GABRG3: variants seen among roughly 807,000 people sequenced by gnomAD.
GABRG3 encodes gamma-aminobutyric acid receptor subunit gamma-3.
In GABRG3, 25 loss-of-function variants were observed where a neutral mutation model predicts 48.8. The observed-to-expected ratio is 0.51, with a 90% CI of 0.37 to 0.72. The LOEUF is 0.72. Among genes scored for constraint, GABRG3 ranks in the 30% least tolerant of loss-of-function variants. GABRG3 has a pLI of 0.00. For synonymous variants in GABRG3, 227 were observed against 217.6 expected (o/e 1.04, Z -0.38); for missense variants, 394 against 577.9 (o/e 0.68, Z 3.26).
intron 3 of GABRG3, among the ~76,000 whole-genome samples, chr15:27,210,363 G>A (rs1721674794): frequency 2.0e-5 from 3 of 152,204 alleles, no homozygotes; most frequent in Non-Finnish European, 4.4e-5. Flanking sequence ...TCCTGCATGT[G>A]GGAGATTTTC....
intron 5 of GABRG3, among the ~76,000 whole-genome samples, chr15:27,330,722 G>A (rs1398553128): frequency 1.3e-5 from 2 of 152,142 alleles, no homozygotes; most frequent in Admixed American, 6.5e-5. Context: ...AGTACTCAGG[G>A]AAATACATGA....
chr15:27,495,290 T>A (rs1890458258), intron 6 of GABRG3, among the ~76,000 whole-genome samples: 1 of 152,214 alleles, frequency 6.6e-6, no homozygotes, highest in African/African-American at 2.4e-5. Context: ...TGTAGCCATG[T>A]GACAGGATTT....
At chr15:27,412,219 C>G (rs1457229843) in intron 5 of GABRG3, among the ~76,000 whole-genome samples, 1 of 152,078 alleles carries the variant, frequency 6.6e-6, no homozygotes, top group East Asian at 1.9e-4. Flanking sequence ...CCTCATTTCC[C>G]CAATGGTGAC....
At chr15:27,157,540 A>T (rs1268452927) in intron 3 of GABRG3, 5 of 152,162 alleles carry the variant, frequency 3.3e-5, no homozygotes, top group African/African-American at 1.2e-4. Context: ...AAAGCATGTG[A>T]GATACTTACC....
chr15:27,529,343 G>A (rs1891359049), intron 9 of GABRG3, among the ~76,000 whole-genome samples: 1 of 152,194 alleles, frequency 6.6e-6, no homozygotes, highest in South Asian at 2.1e-4. Context: ...AATTAATGAT[G>A]TGAACAACTT....
intron 3 of GABRG3, among the ~76,000 whole-genome samples, chr15:27,301,286 T>C (rs534502469): frequency 6.6e-6 from 1 of 152,312 alleles, no homozygotes; most frequent in South Asian, 2.1e-4. Context: ...TGTTGTTTTC[T>C]TGGGACTTGC....
At chr15:27,389,603 A>G (rs1896159941) in intron 5 of GABRG3, among the ~76,000 whole-genome samples, 1 of 152,206 alleles carries the variant, frequency 6.6e-6, no homozygotes, top group Admixed American at 6.5e-5. Context: ...TTCAGGTAAC[A>G]TCTTGCTTCT....
chr15:27,244,512 C>T (rs1013749617), intron 3 of GABRG3, among the ~76,000 whole-genome samples: 3 of 152,214 alleles, frequency 2.0e-5, no homozygotes, highest in East Asian at 1.9e-4. Flanking sequence ...AGGTCTGTTG[C>T]GTTTACTGCA....
chr15:27,306,995 T>TACATAAACATATATA lies in GABRG3; in HGVS notation c.271-19813_271-19812insCATAAACATATATAA. 1.8e-5 allele frequency among the ~76,000 whole-genome samples: 2 copies of TACATAAACATATATA among 111,048 alleles called. 1 individual carries two copies. Among genetic ancestry groups the TACATAAACATATATA allele is most frequent in the Admixed American group, 1.9e-4 (2 of 10,800 alleles). The allele number at this position is 111,048 out of a possible 152,430, so 72.9% of individuals were successfully genotyped here. ...AACATATATAATATAAACATGTTTA[T>TACATAAACATATATA]ATATAAACATGTATAAACATGTTTA... On this transcript the variant is annotated intron_variant, in intron 3 of 9. Coordinates refer to ENST00000615808, the MANE Select transcript of GABRG3 (RefSeq NM_033223.5).
At chr15:27,525,249 A>G (rs1201822223) in intron 7 of GABRG3, among the ~76,000 whole-genome samples, 1 of 152,140 alleles carries the variant, frequency 6.6e-6, no homozygotes, top group Non-Finnish European at 1.5e-5. Context: ...TTTACTTCTG[A>G]CTGCAGTAAG....
At chr15:27,115,843 G>T (rs905760066) in intron 3 of GABRG3, among the ~76,000 whole-genome samples, 6 of 152,126 alleles carry the variant, frequency 3.9e-5, no homozygotes, top group African/African-American at 1.4e-4. Flanking sequence ...TTGTAAACAG[G>T]ATTTAATGGT....
At chr15:26,980,103 G>T (rs1813292426) in intron 2 of GABRG3, among the ~76,000 whole-genome samples, 1 of 151,938 alleles carries the variant, frequency 6.6e-6, no homozygotes, top group African/African-American at 2.4e-5. Context: ...TATATGTTTA[G>T]CATTGTTCAT....
At chr15:27,342,536 C>T (rs1034360613) in intron 5 of GABRG3, among the ~76,000 whole-genome samples, 2 of 152,206 alleles carry the variant, frequency 1.3e-5, no homozygotes, top group Non-Finnish European at 2.9e-5. Context: ...CTGCTGCTTC[C>T]ATTCCCACAG....
intron 5 of GABRG3, among the ~76,000 whole-genome samples, chr15:27,426,689 G>T (rs935255194): frequency 1.3e-5 from 2 of 152,032 alleles, no homozygotes; most frequent in African/African-American, 4.8e-5. Flanking sequence ...AAATTTAGTT[G>T]GGCATAGTGG....
chr15:26,976,908 T>C lies in GABRG3; in HGVS notation c.54-94T>C. On this transcript the variant is annotated intron_variant, in intron 1 of 9. Coordinates refer to ENST00000615808, the MANE Select transcript of GABRG3 (RefSeq NM_033223.5). This position sits in a 1 kb window ranked among gnomAD's most constrained non-coding sequence, Gnocchi z 7.8. ...TGGGCTGTGGGTACTGGGGACTTTC[T>C]ACCCATTTCATGGTACTTGGATAGG... 2 of 1,304,104 alleles carry C rather than the reference T, an allele frequency of 1.5e-6. No individual in the cohort carries two copies. The highest frequency in any genetic ancestry group is 2.2e-6 in the Non-Finnish European group (2 of 923,254). The allele number at this position is 1,304,104 out of a possible 1,614,324, so 80.8% of individuals were successfully genotyped here.
At chr15:27,430,989 CAATAAATAAATAAATAAATAAATA>C (rs61461156) in intron 5 of GABRG3, among the ~76,000 whole-genome samples, 16 of 141,216 alleles carry the variant, frequency 1.1e-4, no homozygotes, top group Admixed American at 9.4e-4. Context: ...GTCCCTGTCT[CAATAAATAAATAAATAAATAAATA>C]AATAAATAAA....
intron 5 of GABRG3, among the ~76,000 whole-genome samples, chr15:27,349,618 C>T (rs1417648225): frequency 6.6e-6 from 1 of 152,170 alleles, no homozygotes; most frequent in Admixed American, 6.6e-5. Context: ...AGAACATGCT[C>T]GCCAAGCATC....
chr15:27,098,767 A>T (rs575652217), intron 3 of GABRG3, among the ~76,000 whole-genome samples: 1 of 152,146 alleles, frequency 6.6e-6, no homozygotes, highest in African/African-American at 2.4e-5. Flanking sequence ...AAAATAAATG[A>T]TTCCAGAAAC....
intron 5 of GABRG3, among the ~76,000 whole-genome samples, chr15:27,375,819 T>C (rs1012805979): frequency 1.8e-4 from 28 of 152,032 alleles, no homozygotes; most frequent in Admixed American, 1.8e-3. Context: ...AGCCAAACCA[T>C]ATCATTCCAC....
Sources: gnomAD v4.1 joint callset for allele counts (sites outside exome capture counted in the v4.1 genomes callset) on GRCh38, gnomAD v4.1.1 for gene constraint, Gnocchi (gnomAD v3.1) non-coding constraint, MANE v1.5 for transcripts, NCBI Gene and HGNC (gene_info 2026-07-23, HGNC 2026-07-21) for gene names.